Variants in SYTL5 observed in about 807,000 individuals in gnomAD.
The protein encoded by SYTL5 is synaptotagmin like 5.
A neutral mutation model predicts 55.9 loss-of-function variants in SYTL5; 34 were observed. That is an observed-to-expected ratio of 0.61 (90% CI 0.46 to 0.81). The LOEUF (loss-of-function observed/expected upper bound fraction) is 0.81, where lower values mean the gene tolerates loss of function less well. Among genes scored for constraint, SYTL5 ranks in the 30% least tolerant of loss-of-function variants. SYTL5 has a pLI of 0.00. For missense variants in SYTL5, 637 were observed against 546.7 expected, an observed-to-expected ratio of 1.17 and a Z score of -1.65; for synonymous variants, 221 against 188.7, an observed-to-expected ratio of 1.17 and a Z score of -1.40.
At chrX:38,004,884 A>C (rs1445828079), upstream of SYTL5, among the ~76,000 whole-genome samples, 1 of 111,309 alleles carries the variant, frequency 9.0e-6, no homozygotes, top group East Asian at 2.8e-4. Flanking sequence ...CTATAGTAAA[A>C]ATAATAATTT....
chrX:38,106,051 G>A (rs948722770), intron 10 of SYTL5, among the ~76,000 whole-genome samples: 3 of 111,860 alleles, frequency 2.7e-5, no homozygotes, highest in Admixed American at 9.5e-5. Flanking sequence ...GTGGGTATGT[G>A]ATGTTCTTCT....
the SYTL5 span, among the ~76,000 whole-genome samples, chrX:37,967,972 T>G: frequency 9.2e-6 from 1 of 108,202 alleles, no homozygotes. Flanking sequence ...GTTCAGTTAT[T>G]TATTGAATTC....
chrX:38,012,114 A>C (rs910014904), intron 1 of SYTL5, among the ~76,000 whole-genome samples: 26 of 112,267 alleles, frequency 2.3e-4, no homozygotes, highest in African/African-American at 7.1e-4. Context: ...AATTTGATTT[A>C]ATATTTCTAA....
Position 38,106,589 on chromosome X carries a change from C to G in SYTL5, c.1156-4C>G. The G allele has an allele frequency of 1.7e-6, 2 of 1,176,785 alleles. No individual in the cohort carries two copies. Among genetic ancestry groups the G allele is most frequent in the Non-Finnish European group, 2.3e-6 (2 of 880,082 alleles). ...GAAGCCTTTTTCCATCTTGTTTATT[C>G]CAGACCAGCCTTAACAGCATGATGA... On this transcript the variant is annotated splice_polypyrimidine_tract_variant and splice_region_variant and intron_variant, in intron 10 of 16. Coordinates refer to ENST00000297875, the MANE Select transcript of SYTL5 (RefSeq NM_138780.3).
the SYTL5 span, among the ~76,000 whole-genome samples, chrX:37,979,312 A>G: frequency 9.2e-6 from 1 of 108,880 alleles, no homozygotes; most frequent in East Asian, 2.9e-4. Context: ...GGAAAGGTTA[A>G]TTATGTATTC....
chrX:38,010,095 G>A (rs980893678), intron 1 of SYTL5, among the ~76,000 whole-genome samples: 10 of 112,303 alleles, frequency 8.9e-5, no homozygotes, highest in Non-Finnish European at 1.5e-4. Flanking sequence ...ATGAAATTGA[G>A]AAAACTTAGT....
chrX:37,917,454 T>A, the SYTL5 span, among the ~76,000 whole-genome samples: 4,430 of 111,957 alleles, frequency 0.04, 215 homozygotes, highest in African/African-American at 0.13. Flanking sequence ...GGCATGAATT[T>A]CTGTCACAAA....
At chrX:38,001,297 G>C in the SYTL5 span, among the ~76,000 whole-genome samples, 3 of 111,923 alleles carry the variant, frequency 2.7e-5, no homozygotes, top group Admixed American at 1.9e-4. Flanking sequence ...TAGTTTCTTT[G>C]TTAATTTAAA....
chrX:37,996,096 G>A, the SYTL5 span, among the ~76,000 whole-genome samples: 3 of 111,974 alleles, frequency 2.7e-5, no homozygotes, highest in Non-Finnish European at 5.6e-5. Context: ...GACCCTGGAT[G>A]AGCCCCTGTT....
upstream of SYTL5, among the ~76,000 whole-genome samples, chrX:38,002,673 G>T: frequency 2.7e-5 from 3 of 112,196 alleles, no homozygotes; most frequent in Middle Eastern, 9.2e-3. Context: ...CTTTTGAGAC[G>T]TGTCTGTTCA....
chrX:37,959,450 C>T, the SYTL5 span, among the ~76,000 whole-genome samples: 5 of 111,600 alleles, frequency 4.5e-5, no homozygotes, highest in African/African-American at 1.6e-4. Flanking sequence ...GAGAGTAGTT[C>T]TACTAATGAT....
At position 38,089,550 on chromosome X, in the gene SYTL5, C is replaced by A; in HGVS notation, c.794C>A (p.Ala265Asp). 2 of 1,210,755 alleles carry A rather than the reference C, an allele frequency of 1.7e-6. No individual in the cohort carries two copies. Among genetic ancestry groups the A allele is most frequent in the Non-Finnish European group, 2.2e-6 (2 of 895,072 alleles). ...GVTPGTQSSP[A>D]PSTRTVTSVI... ...ACCCCAGGCACTCAGAGTTCACCAG[C>A]CCCAAGCACACGAACTGTGACCTCA... Residue 265 changes from alanine to aspartate, a missense_variant, in exon 7 of 17, where the codon GCC (alanine) becomes GAC (aspartate). By Grantham distance (126) the Ala-to-Asp change is moderately radical. Coordinates refer to ENST00000297875, the MANE Select transcript of SYTL5 (RefSeq NM_138780.3).
chrX:38,013,835 G>C (rs1045954726), intron 1 of SYTL5, among the ~76,000 whole-genome samples: 5 of 109,112 alleles, frequency 4.6e-5, no homozygotes, highest in African/African-American at 1.7e-4. Context: ...GCATTCTTTG[G>C]GCCCCTCATC....
rs369464614 is a variant in SYTL5 at position 38,079,373 on chromosome X, T to G, written c.689+2672T>G. On this transcript the variant is annotated intron_variant, in intron 6 of 16. Transcript: ENST00000297875. Reference sequence around the variant, plus strand: ...GTTTCAAAGCAAGGGAAAGTATGAATAGATTAAAGAAGCCCTAGCAGCCTC... The same window carrying G: ...GTTTCAAAGCAAGGGAAAGTATGAAGAGATTAAAGAAGCCCTAGCAGCCTC... Among the ~76,000 whole-genome samples, 6 of 112,104 alleles carry G rather than the reference T, an allele frequency of 5.4e-5. No homozygotes were observed. The East Asian group carries it at 1.7e-3, about 31-fold the overall frequency.
At chrX:38,015,773 C>T (rs1432583958) in intron 1 of SYTL5, among the ~76,000 whole-genome samples, 1 of 110,423 alleles carries the variant, frequency 9.1e-6, no homozygotes, top group African/African-American at 3.3e-5. Flanking sequence ...AGAACACTTT[C>T]GCTCTGGGCG....
intron 3 of SYTL5, among the ~76,000 whole-genome samples, chrX:38,070,468 C>G (rs1481415302): frequency 9.0e-6 from 1 of 110,980 alleles, no homozygotes; most frequent in Non-Finnish European, 1.9e-5. Context: ...TTTGCATCTT[C>G]ATCATTTTCT....
At chrX:38,070,030 T>G (rs1002543379) in intron 3 of SYTL5, among the ~76,000 whole-genome samples, 5 of 111,940 alleles carry the variant, frequency 4.5e-5, no homozygotes, top group African/African-American at 1.6e-4. Flanking sequence ...TATAACCACT[T>G]GGGAGTAAAT....
chrX:38,074,776 A>G (rs905671765), intron 5 of SYTL5, among the ~76,000 whole-genome samples: 1 of 111,600 alleles, frequency 9.0e-6, no homozygotes, highest in Admixed American at 9.5e-5. Context: ...GATAGCCTAG[A>G]GTATCCTGTA....
chrX:38,044,668 A>G (rs1935405186), intron 2 of SYTL5, among the ~76,000 whole-genome samples: 1 of 111,953 alleles, frequency 8.9e-6, no homozygotes, highest in African/African-American at 3.2e-5. Context: ...TTTTTTAAAG[A>G]AATGCAGCTT....
Sources: gnomAD v4.1 joint callset for allele counts (sites outside exome capture counted in the v4.1 genomes callset) on GRCh38, gnomAD v4.1.1 for gene constraint, MANE v1.5 for transcripts, NCBI Gene and HGNC (gene_info 2026-07-23, HGNC 2026-07-21) for gene names.